Variants in SI observed in about 807,000 individuals in gnomAD.
SI encodes the protein sucrase-isomaltase, intestinal.
In SI, 235 loss-of-function variants were observed where a neutral mutation model predicts 253.3. The observed-to-expected ratio is 0.93, with a 90% CI of 0.83 to 1.03. The LOEUF is 1.03. Ranked by LOEUF, SI falls within the 50% of genes least tolerant of loss-of-function variation. The pLI, the probability that SI is intolerant of heterozygous loss-of-function variation, is 0.00. For synonymous variants in SI, 819 were observed against 712.0 expected, an observed-to-expected ratio of 1.15 and a Z score of -2.39; for missense variants, 2,442 against 2,211.1, an observed-to-expected ratio of 1.10 and a Z score of -2.09.
intron 3 of SI, among the ~76,000 whole-genome samples, chr3:165,072,497 A>G (rs1194010073): frequency 6.6e-6 from 1 of 152,102 alleles, no homozygotes; most frequent in East Asian, 1.9e-4. Context: ...CTAAAGCAAA[A>G]AAAGGCAAAT....
intron 12 of SI, 71 bp downstream of exon 12, chr3:165,058,892 A>ACACACACAC: frequency 7.0e-6 from 9 of 1,288,516 alleles, no homozygotes; most frequent in South Asian, 1.2e-5. Context: ...ACACACGCAC[A>ACACACACAC]TCCACAGAAA....
chr3:165,076,008 G>A lies in SI; in HGVS notation c.5C>T (p.Ala2Val). 6.4e-7 allele frequency: 1 copy of A among 1,572,020 alleles called. No individual in the cohort carries two copies. The highest frequency in any genetic ancestry group is 1.2e-5 in the South Asian group (1 of 86,806). The change falls in exon 2 of 48, where the codon GCA becomes GTA. Residue 2 changes from alanine (A) to valine (V), a missense_variant. Transcript: ENST00000264382. Reference protein sequence around the residue: MARKKFSGLEIS... With the variant: MVRKKFSGLEIS... Reference sequence around the variant, plus strand: ...TTCCAATCCACTAAATTTCTTTCTTGCCATCTAAAAACAGAAAAGAATATA... The same window carrying A: ...TTCCAATCCACTAAATTTCTTTCTTACCATCTAAAAACAGAAAAGAATATA...
rs1718145165 is a variant in SI at position 164,999,026 on chromosome 3, C to T, written c.4407-353G>A. Among the ~76,000 whole-genome samples the T allele has an allele frequency of 2.0e-5, 3 of 151,900 alleles. No homozygotes were observed. The South Asian group carries it at 6.2e-4, about 31-fold the overall frequency. On this transcript the variant is annotated intron_variant, in intron 37 of 47. Transcript: ENST00000264382. ...AATGTATTTTTAATAAAGGCTTATG[C>T]TCTAACTATTCATTGCCCCAACGCC...
At chr3:165,008,168 C>T (rs1718604492) in intron 35 of SI, among the ~76,000 whole-genome samples, 170 bp from the exon 36 acceptor site, 1 of 151,814 alleles carries the variant, frequency 6.6e-6, no homozygotes, top group African/African-American at 2.4e-5. Flanking sequence ...TAGTTTATCT[C>T]ATTGATTGCT....
rs1213292988 is a variant in SI, at chr3:165,039,156, T to C, written c.2245-22A>G. The C allele has an allele frequency of 4.7e-6, 7 of 1,500,134 alleles. No individual in the cohort carries two copies. In the Admixed American group the frequency reaches 5.1e-5, roughly 11 times the overall value. 92.9% of individuals were successfully genotyped at this position (1,500,134 alleles called of 1,614,324 possible). A position where few individuals can be genotyped will look rare whatever the true frequency, so the allele number is the denominator to read the frequency against. On this transcript the variant is annotated intron_variant, in intron 19 of 47. Coordinates refer to ENST00000264382, the MANE Select transcript of SI (RefSeq NM_001041.4). Reference sequence around the variant, plus strand: ...CTCCCTAAAATAAAGATAATATGTATTTTTTAATTTCAATTTTTAACAAGG... The same window carrying C: ...CTCCCTAAAATAAAGATAATATGTACTTTTTAATTTCAATTTTTAACAAGG...
intron 13 of SI, among the ~76,000 whole-genome samples, chr3:165,051,105 C>G (rs985108049): frequency 1.3e-5 from 2 of 152,006 alleles, no homozygotes; most frequent in Non-Finnish European, 2.9e-5. Context: ...ATAACTATAA[C>G]TAGACATACT....
At chr3:165,087,422 G>T in the SI span, among the ~76,000 whole-genome samples, 1 of 152,234 alleles carries the variant, frequency 6.6e-6, no homozygotes, top group South Asian at 2.1e-4. Flanking sequence ...CTGAGGCACA[G>T]AGGAAAATAT....
At chr3:165,089,221 G>A in the SI span, among the ~76,000 whole-genome samples, 2 of 151,724 alleles carry the variant, frequency 1.3e-5, no homozygotes, top group South Asian at 2.1e-4. Flanking sequence ...GAATTCAGAC[G>A]GAAGTGATAA....
Position 164,987,126 on chromosome 3 carries a change from T to G in SI, c.5197+12A>C, listed in dbSNP as rs775367682. 6.3e-7 allele frequency: 1 copy of G among 1,592,490 alleles called. No homozygotes were observed. The highest frequency in any genetic ancestry group is 8.6e-7 in the Non-Finnish European group (1 of 1,160,628). On this transcript the variant is annotated intron_variant, in intron 45 of 47. Coordinates refer to ENST00000264382, the MANE Select transcript of SI (RefSeq NM_001041.4). ...ACATCAATTAAATTTATCTACTAAA[T>G]CGAGCACTCACCTATACTCTCTCCA...
chr3:165,031,325 A>G (rs1712226032), intron 24 of SI, among the ~76,000 whole-genome samples: 1 of 148,748 alleles, frequency 6.7e-6, no homozygotes, highest in South Asian at 2.1e-4. Context: ...TTATGAAGGT[A>G]TACACAGCAG....
At chr3:165,014,047 G>A (rs565892081) in intron 33 of SI, among the ~76,000 whole-genome samples, 1 of 152,188 alleles carries the variant, frequency 6.6e-6, no homozygotes, top group Admixed American at 6.5e-5. Flanking sequence ...TCTTCACTCA[G>A]CTTTCTCTAA....
intron 3 of SI, among the ~76,000 whole-genome samples, chr3:165,070,824 T>G (rs1341989295): frequency 6.6e-6 from 1 of 152,068 alleles, no homozygotes; most frequent in Non-Finnish European, 1.5e-5. Flanking sequence ...CAACAGAAAT[T>G]TACTCTCTCA....
intron 20 of SI, among the ~76,000 whole-genome samples, chr3:165,038,509 A>C (rs944854929): frequency 6.6e-6 from 1 of 151,418 alleles, no homozygotes; most frequent in Non-Finnish European, 1.5e-5. Flanking sequence ...GGAGATCGAG[A>C]CTATCCTGGC....
Position 165,019,615 on chromosome 3 carries a change from T to C in SI, c.3410A>G (p.Asp1137Gly). The stretch of plus-strand genomic sequence containing the variant: ...GTTGGTACCTACACCAGGGGGTTGG[T>C]CTCTTGTGAACATTCCCCAAGTATT... ...NWNTWGMFTR[D>G]QPPGYKLNSY... Residue 1137 changes from aspartate to glycine, a missense_variant, in exon 28 of 48, where the codon GAC becomes GGC. Asp to Gly is a moderately conservative substitution (Grantham distance 94, BLOSUM62 -1). Transcript: ENST00000264382. The C allele has an allele frequency of 6.2e-7, 1 of 1,612,426 alleles. No individual in the cohort carries two copies. Among genetic ancestry groups the C allele is most frequent in the Non-Finnish European group, 8.5e-7 (1 of 1,178,896 alleles).
intron 8 of SI, among the ~76,000 whole-genome samples, chr3:165,063,002 T>C (rs1456326406): frequency 6.6e-6 from 1 of 152,116 alleles, no homozygotes; most frequent in Non-Finnish European, 1.5e-5. Context: ...CCAATTCACC[T>C]ATTAGATACT....
At chr3:165,032,201 G>A (rs1286760993) in intron 24 of SI, among the ~76,000 whole-genome samples, 1 of 151,100 alleles carries the variant, frequency 6.6e-6, no homozygotes, top group East Asian at 1.9e-4. Flanking sequence ...CGTGCAATAG[G>A]TAGGTTAGAG....
chr3:165,009,333 G>A lies in SI; in HGVS notation c.4125C>T (p.Ala1375=). ...FFRTSTAEWW[A]REIVDFYNEK... ...CATTGTAAAAGTCCACAATTTCTCT[G>A]GCCCACCACTCTGCTGTGGAAGTCC... Residue 1375 remains alanine (A), a synonymous_variant, in exon 35 of 48, where the codon GCC becomes GCT. Coordinates refer to ENST00000264382, the MANE Select transcript of SI (RefSeq NM_001041.4). The A allele has an allele frequency of 6.2e-7, 1 of 1,613,538 alleles. No homozygotes were observed. Among genetic ancestry groups the A allele is most frequent in the East Asian group, 2.2e-5 (1 of 44,800 alleles).
In SI at chr3:165,061,412, C is replaced by T. The variant is rs367600961; in HGVS notation, c.1020+959G>A. 5.4e-4 allele frequency among the ~76,000 whole-genome samples: 82 copies of T among 151,984 alleles called. 1 individual carries two copies. In the South Asian group the frequency reaches 0.01, roughly 19 times the overall value. On this transcript the variant is annotated intron_variant, in intron 9 of 47. Transcript: ENST00000264382. ...TATTACAGATACTGTAAACTTTCTG[C>T]GCTTCTTTTCTAAATTTTACATTTA...
chr3:164,986,684 G>A (rs1717455406), intron 45 of SI, among the ~76,000 whole-genome samples: 1 of 152,140 alleles, frequency 6.6e-6, no homozygotes, highest in Admixed American at 6.6e-5. Context: ...ATGTTAACGT[G>A]TGCTTTGTTA....
Sources: gnomAD v4.1 joint callset for allele counts (sites outside exome capture counted in the v4.1 genomes callset) on GRCh38, gnomAD v4.1.1 for gene constraint, MANE v1.5 for transcripts, NCBI Gene and HGNC (gene_info 2026-07-23, HGNC 2026-07-21) for gene names.